Variants in DZIP3 observed in about 807,000 individuals in gnomAD.
The protein encoded by DZIP3 is E3 ubiquitin-protein ligase DZIP3.
Under a neutral mutation model 162.0 loss-of-function variants are expected in DZIP3, and 118 were observed. The ratio of observed to expected loss-of-function variants is 0.73; its 90% CI spans 0.63 to 0.85. The LOEUF (loss-of-function observed/expected upper bound fraction) is 0.85. Among genes scored for constraint, DZIP3 ranks in the 40% least tolerant of loss-of-function variants. The pLI is 0.00. For synonymous variants in DZIP3, 438 were observed against 458.6 expected (o/e 0.96, Z 0.57); for missense variants, 1,331 against 1,407.0 (o/e 0.95, Z 0.86).
intron 1 of DZIP3, among the ~76,000 whole-genome samples, chr3:108,601,039 G>A (rs1273624115): frequency 6.6e-6 from 1 of 152,146 alleles, no homozygotes; most frequent in Non-Finnish European, 1.5e-5. Context: ...CTTTCTTGTA[G>A]ACGTAAGTTT....
intron 14 of DZIP3, among the ~76,000 whole-genome samples, chr3:108,646,146 T>A (rs1942612655): frequency 6.6e-6 from 1 of 152,186 alleles, no homozygotes; most frequent in Non-Finnish European, 1.5e-5. Flanking sequence ...ATTGTCTTTT[T>A]TTTTCTTCAC....
rs765365868 is a variant in DZIP3 at position 108,674,080 on chromosome 3, G to A, written c.2592G>A (p.Val864=). The part of the protein sequence containing the change: ...AETSRALTAE[V]YFLQCRRDFG... ...CTCTTTCTCTCAAAAACCTGTAGGT[G>A]TATTTCTTACAGTGTCGTAGGGATT... Residue 864 remains valine (V), a splice_region_variant and synonymous_variant, in exon 24 of 33, where the codon GTG becomes GTA. Coordinates refer to ENST00000361582, the MANE Select transcript of DZIP3 (RefSeq NM_014648.4). 8 of 1,609,960 alleles carry A rather than the reference G, an allele frequency of 5.0e-6. No individual in the cohort carries two copies. The highest frequency in any genetic ancestry group is 5.9e-6 in the Non-Finnish European group (7 of 1,177,558).
chr3:108,592,641 A>G (rs916810421), intron 1 of DZIP3, among the ~76,000 whole-genome samples: 12 of 151,478 alleles, frequency 7.9e-5, no homozygotes, highest in African/African-American at 2.7e-4. Context: ...GGCTGCAGTA[A>G]GCCATGTTTG....
Position 108,605,358 on chromosome 3 carries a change from C to T in DZIP3, c.-49C>T. 2 of 1,612,046 alleles carry T rather than the reference C, an allele frequency of 1.2e-6. No individual in the cohort carries two copies. Among genetic ancestry groups the T allele is most frequent in the Non-Finnish European group, 1.7e-6 (2 of 1,178,906 alleles). ...AGCATTAAAGGGCAGTATTTAAAGT[C>T]AGTTGGCAAGCAGTGGAATAAGATT... On this transcript the variant is annotated 5_prime_UTR_variant, in exon 2 of 33. Coordinates refer to ENST00000361582, the MANE Select transcript of DZIP3 (RefSeq NM_014648.4).
intron 8 of DZIP3, among the ~76,000 whole-genome samples, chr3:108,631,657 C>T (rs911565408): frequency 1.4e-5 from 2 of 139,412 alleles, no homozygotes; most frequent in African/African-American, 5.3e-5. Flanking sequence ...CTCCTGGGCT[C>T]AAGTGATCCT....
chr3:108,655,882 T>C (rs13323911), intron 19 of DZIP3, among the ~76,000 whole-genome samples: 2,895 of 152,224 alleles, frequency 0.019, 100 homozygotes, highest in African/African-American at 0.067. Context: ...CCCACGCCCA[T>C]GGAGCCTCAC....
chr3:108,655,013 T>A (rs1943044047), intron 19 of DZIP3, among the ~76,000 whole-genome samples: 1 of 152,148 alleles, frequency 6.6e-6, no homozygotes, highest in African/African-American at 2.4e-5. Context: ...CATATAATTG[T>A]CATACCTTTT....
At chr3:108,608,967 G>A (rs966649361) in intron 3 of DZIP3, among the ~76,000 whole-genome samples, 1 of 152,134 alleles carries the variant, frequency 6.6e-6, no homozygotes, top group African/African-American at 2.4e-5. Flanking sequence ...AGAGTCATGG[G>A]GGAAGGCAAA....
At chr3:108,642,907 G>A (rs1942463486) in intron 13 of DZIP3, among the ~76,000 whole-genome samples, 1 of 152,178 alleles carries the variant, frequency 6.6e-6, no homozygotes, top group African/African-American at 2.4e-5. Flanking sequence ...TTGAGGCTAA[G>A]TAATCTAAAC....
intron 19 of DZIP3, among the ~76,000 whole-genome samples, chr3:108,656,076 T>C (rs933203255): frequency 2.0e-5 from 3 of 152,180 alleles, no homozygotes; most frequent in Admixed American, 6.5e-5. Flanking sequence ...GGGCAGGGCA[T>C]AGGCAAACAA....
In DZIP3 at chr3:108,644,611, G is replaced by A. The variant is rs781443126; in HGVS notation, c.1589G>A (p.Trp530Ter). 1 of 1,613,966 alleles carries A rather than the reference G, an allele frequency of 6.2e-7. No homozygotes were observed. The highest frequency in any genetic ancestry group is 8.5e-7 in the Non-Finnish European group (1 of 1,179,948). ...ACTGAGTCACAGTTCAATTCAATTT[G>A]GAAAAAAGTTTCAGATATTCTTCTG... ...GLTESQFNSI[W>*]KKVSDILLRL... Residue 530 changes from tryptophan (W) to a stop codon, truncating the protein, a stop_gained, in exon 14 of 33, where the codon TGG becomes TAG. Coordinates refer to ENST00000361582, the MANE Select transcript of DZIP3 (RefSeq NM_014648.4). LOFTEE classifies it high-confidence loss of function.
intron 1 of DZIP3, among the ~76,000 whole-genome samples, chr3:108,598,506 G>T (rs1047814662): frequency 3.9e-5 from 6 of 152,050 alleles, no homozygotes; most frequent in Admixed American, 3.9e-4. Context: ...CCAAAAGCTC[G>T]CTCTGCCTTC....
chr3:108,678,460 C>T (rs549392779), intron 26 of DZIP3, among the ~76,000 whole-genome samples: 39 of 152,082 alleles, frequency 2.6e-4, no homozygotes, highest in African/African-American at 9.2e-4. Flanking sequence ...ATGTAATACC[C>T]TGCATGGCTG....
At chr3:108,609,081 G>C (rs1190445518) in intron 3 of DZIP3, among the ~76,000 whole-genome samples, 1 of 152,084 alleles carries the variant, frequency 6.6e-6, no homozygotes, top group Non-Finnish European at 1.5e-5. Context: ...CTCTTATCAT[G>C]CGACAGCACT....
At chr3:108,654,713 A>G (rs2107251042) in intron 19 of DZIP3, among the ~76,000 whole-genome samples, 1 of 152,280 alleles carries the variant, frequency 6.6e-6, no homozygotes, top group East Asian at 1.9e-4. Context: ...TGTTACCATA[A>G]AATGTCTACA....
At chr3:108,672,518 C>A in intron 22 of DZIP3, 42 bp from the exon 23 acceptor site, 1 of 1,500,324 alleles carries the variant, frequency 6.7e-7, no homozygotes, top group Non-Finnish European at 9.3e-7. Flanking sequence ...AAAGGCTCTG[C>A]TTGATGTAAT....
chr3:108,670,186 AT>A (rs1215249339), intron 22 of DZIP3, among the ~76,000 whole-genome samples: 2 of 151,980 alleles, frequency 1.3e-5, no homozygotes, highest in Admixed American at 6.6e-5. Flanking sequence ...CTGTTAAAAT[AT>A]ACAATTTATT....
chr3:108,611,443 A>G (rs1450419589), intron 4 of DZIP3, 114 bp downstream of exon 4: 3 of 1,292,282 alleles, frequency 2.3e-6, no homozygotes, highest in Non-Finnish European at 3.2e-6. Flanking sequence ...AAAAATCTCC[A>G]TCTTACTTCT....
intron 9 of DZIP3, among the ~76,000 whole-genome samples, chr3:108,633,757 GATCTCTCTCTCTCT>G (rs1941998115): frequency 1.2e-5 from 1 of 84,472 alleles, no homozygotes; most frequent in African/African-American, 5.4e-5. Context: ...ACTTCTGATA[GATCTCTCTCTCTCT>G]GGATCTATCA....
Sources: allele counts gnomAD v4.1 joint callset (sites outside exome capture counted in the v4.1 genomes callset), GRCh38; gene constraint gnomAD v4.1.1; transcripts MANE v1.5; gene names NCBI Gene and HGNC (gene_info 2026-07-23, HGNC 2026-07-21).